LYST: variants seen among roughly 807,000 people sequenced by gnomAD.
LYST encodes the protein lysosomal trafficking regulator, also known as lysosomal-trafficking regulator.
In LYST, 192 loss-of-function variants were observed where a neutral mutation model predicts 413.6. The ratio of observed to expected loss-of-function variants is 0.46; its 90% CI spans 0.41 to 0.52. The LOEUF is 0.52. LYST is among the 20% of genes least tolerant of loss of function. The pLI is 0.00. For synonymous variants in LYST, 1,525 were observed against 1,567.3 expected (o/e 0.97, Z 0.64); for missense variants, 3,815 against 4,499.9 (o/e 0.85, Z 4.35).
chr1:235,669,125 T>C (rs1658723429), intron 50 of LYST, among the ~76,000 whole-genome samples: 1 of 152,184 alleles, frequency 6.6e-6, no homozygotes, highest in Non-Finnish European at 1.5e-5. Context: ...CCTAAAGCCC[T>C]TGGAATTTAC....
intron 15 of LYST, 69 bp downstream of exon 15, chr1:235,781,858 T>C: frequency 9.1e-7 from 1 of 1,094,466 alleles, no homozygotes; most frequent in Non-Finnish European, 1.4e-6. Flanking sequence ...ACTGGAAATG[T>C]TTCAAAGGAA....
chr1:235,838,541 C>T (rs1420856229), intron 1 of LYST, among the ~76,000 whole-genome samples: 1 of 152,176 alleles, frequency 6.6e-6, no homozygotes, highest in African/African-American at 2.4e-5. Context: ...TAAAAATGAT[C>T]TCTAGAGTCT....
At chr1:235,841,844 G>A (rs1677248175) in intron 1 of LYST, among the ~76,000 whole-genome samples, 1 of 152,138 alleles carries the variant, frequency 6.6e-6, no homozygotes, top group Non-Finnish European at 1.5e-5. Flanking sequence ...CAAGTAATAG[G>A]CAAAGTTGTC....
At position 235,738,323 on chromosome 1, in the gene LYST, T is replaced by A. The variant is rs1433606008; in HGVS notation, c.8358+3099A>T. ...GCAAGAGGGAGAAAGCCATCTTAAT[T>A]TGGTCCAGTGTAATGTGAACATCTT... On this transcript the variant is annotated intron_variant, in intron 31 of 52. Transcript: ENST00000389793. 22 of 1,611,912 alleles carry A rather than the reference T, an allele frequency of 1.4e-5. No homozygotes were observed. The South Asian group carries it at 2.1e-4, about 15-fold the overall frequency.
chr1:235,859,850 A>G (rs1679656378), intron 1 of LYST, among the ~76,000 whole-genome samples: 1 of 152,226 alleles, frequency 6.6e-6, no homozygotes, highest in South Asian at 2.1e-4. Flanking sequence ...AAATAAAATA[A>G]TAAATGGGAA....
chr1:235,730,943 T>A lies in LYST; in HGVS notation c.8948A>T (p.Asp2983Val). The change falls in exon 36 of 53, where the codon GAT becomes GTT. Residue 2983 changes from aspartate to valine, a missense_variant and splice_region_variant. Asp to Val is a radical substitution (Grantham distance 152). Around this residue, in one of 4 missense-constraint regions of LYST, gnomAD observed 866 missense variants for 1,156.0 expected, o/e 0.75. Transcript: ENST00000389793. ...YLLRDRQKSE[D>V]VVKPPLSYLF... ...GTAAGAGAGTGGTGGTTTGACAACATCTGTTGAGGAGAAAAGTAAATATTA... is the reference window on the plus strand; with the variant it reads ...GTAAGAGAGTGGTGGTTTGACAACAACTGTTGAGGAGAAAAGTAAATATTA... The A allele has an allele frequency of 6.2e-7, 1 of 1,611,098 alleles. No homozygotes were observed. Among genetic ancestry groups the A allele is most frequent in the Non-Finnish European group, 8.5e-7 (1 of 1,177,362 alleles).
Position 235,664,348 on chromosome 1 carries a change from G to C in LYST, c.11195+117C>G. ...ATAACTAAAGAACCTACACCCCAAG[G>C]TGAGTTTAAATCTCTAAATACTGAA... is the stretch of plus-strand genomic sequence containing the variant. On this transcript the variant is annotated intron_variant, in intron 51 of 52. Coordinates refer to ENST00000389793, the MANE Select transcript of LYST (RefSeq NM_000081.4). The surrounding 1 kb of genome is among the most constrained non-coding windows in gnomAD (Gnocchi z 4.5). 1.1e-6 allele frequency: 1 copy of C among 941,748 alleles called. No individual in the cohort carries two copies. Among genetic ancestry groups the C allele is most frequent in the South Asian group, 1.5e-5 (1 of 68,828 alleles). The allele number at this position is 941,748 out of a possible 1,614,324, so 58.3% of individuals were successfully genotyped here. A position where few individuals can be genotyped will look rare whatever the true frequency, so the allele number is the denominator to read the frequency against.
chr1:235,721,070 C>T (rs146027359), intron 39 of LYST, among the ~76,000 whole-genome samples, 165 bp from the exon 40 acceptor site: 28 of 152,098 alleles, frequency 1.8e-4, no homozygotes, highest in African/African-American at 6.0e-4. Flanking sequence ...GATTCAAGTC[C>T]AGGTTGTCCT....
chr1:235,733,239 A>G (rs112819655), intron 34 of LYST, among the ~76,000 whole-genome samples: 4 of 152,242 alleles, frequency 2.6e-5, no homozygotes, highest in African/African-American at 7.2e-5. Context: ...TGATTTCTCT[A>G]TTCTTTTACA....
At chr1:235,758,894 G>C in intron 23 of LYST, 78 bp downstream of exon 23, 4 of 1,306,632 alleles carry the variant, frequency 3.1e-6, no homozygotes, top group Non-Finnish European at 4.4e-6. Flanking sequence ...GCATAATGAA[G>C]ACGTTTCCAG....
chr1:235,813,963 GT>G (rs759646432), intron 3 of LYST, among the ~76,000 whole-genome samples: 2 of 152,170 alleles, frequency 1.3e-5, no homozygotes, highest in Non-Finnish European at 2.9e-5. Flanking sequence ...TAGAGGCAGG[GT>G]AACAATAATC....
At chr1:235,858,917 T>G (rs995074016) in intron 1 of LYST, among the ~76,000 whole-genome samples, 2 of 152,186 alleles carry the variant, frequency 1.3e-5, no homozygotes. Flanking sequence ...ACCATCCTGC[T>G]GGCCTCTGTA....
At chr1:235,763,750 G>C (rs1447222974) in intron 21 of LYST, among the ~76,000 whole-genome samples, 1 of 151,952 alleles carries the variant, frequency 6.6e-6, no homozygotes, top group East Asian at 1.9e-4. Context: ...GAACCACCAT[G>C]CCTAGCATGA....
At position 235,808,916 on chromosome 1, in the gene LYST, T is replaced by G. The variant is rs746417866; in HGVS notation, c.1902A>C (p.Lys634Asn). 1 of 1,612,462 alleles carries G rather than the reference T, an allele frequency of 6.2e-7. No individual in the cohort carries two copies. The highest frequency in any genetic ancestry group is 2.2e-5 in the East Asian group (1 of 44,862). The stretch of plus-strand genomic sequence containing the variant: ...CAACAGTACAAATATTACAAGCTGC[T>G]TTTTTAATTTTTGGTGATATCTCTG... ...GGAEISPKIK[K>N]AACNICTVDS... Residue 634 changes from lysine (K) to asparagine (N), a missense_variant, in exon 5 of 53, where the codon AAA becomes AAC. This residue lies in a region of LYST where 1,648 missense variants were observed against 1,810.3 expected (regional missense o/e 0.91). Coordinates refer to ENST00000389793, the MANE Select transcript of LYST (RefSeq NM_000081.4).
At position 235,851,188 on chromosome 1, in the gene LYST, G is replaced by GTATA. The variant is rs60230013; in HGVS notation, c.-98+15651_-98+15654dup. ...TGTAAGTATGTATGTATATGTGTGT[G>GTATA]TATATATATATATATGATGAAATAC... On this transcript the variant is annotated intron_variant, in intron 1 of 52. Transcript: ENST00000389793. 1.9e-3 allele frequency among the ~76,000 whole-genome samples: 285 copies of GTATA among 150,456 alleles called. 2 individuals carry two copies. The highest frequency in any genetic ancestry group is 0.016 in the East Asian group (84 of 5,126).
At position 235,759,027 on chromosome 1, in the gene LYST, A is replaced by T. The variant is rs1667315132; in HGVS notation, c.6826T>A (p.Phe2276Ile). ...GGCTCATAACCAAGAGAATAGGCAA[A>T]GTTTTCCCAATCATCAGTGTTTCTA... ...VDRNTDDWEN[F>I]AYSLGYEPNY... is the part of the protein sequence containing the mutation. The change falls in exon 23 of 53, where the codon TTT (phenylalanine) becomes ATT (isoleucine). Residue 2276 changes from phenylalanine (F) to isoleucine (I), a missense_variant. Physicochemically the swap from Phe to Ile is conservative, Grantham distance 21. Around this residue, in one of 4 missense-constraint regions of LYST, gnomAD observed 771 missense variants for 837.1 expected, o/e 0.92. Coordinates refer to ENST00000389793, the MANE Select transcript of LYST (RefSeq NM_000081.4). 6.2e-7 allele frequency: 1 copy of T among 1,613,980 alleles called. No homozygotes were observed. The highest frequency in any genetic ancestry group is 8.5e-7 in the Non-Finnish European group (1 of 1,180,000).
At chr1:235,849,897 A>G (rs902842979) in intron 1 of LYST, among the ~76,000 whole-genome samples, 6 of 152,140 alleles carry the variant, frequency 3.9e-5, no homozygotes, top group Non-Finnish European at 8.8e-5. Context: ...AAATGGAAAC[A>G]TATCCCATGC....
At chr1:235,687,443 A>G (rs769720681) in intron 47 of LYST, among the ~76,000 whole-genome samples, 1 of 152,080 alleles carries the variant, frequency 6.6e-6, no homozygotes, top group Non-Finnish European at 1.5e-5. Flanking sequence ...TCCTCGTTTT[A>G]TGTCTTTGGT....
At chr1:235,858,857 G>C (rs779340899) in intron 1 of LYST, among the ~76,000 whole-genome samples, 16 of 152,088 alleles carry the variant, frequency 1.1e-4, no homozygotes, top group Non-Finnish European at 2.2e-4. Context: ...TTGTTATGGG[G>C]GGCAGGGAAG....
Sources: allele counts gnomAD v4.1 joint callset (sites outside exome capture counted in the v4.1 genomes callset), GRCh38; gene constraint gnomAD v4.1.1; regional missense constraint gnomAD v4.1.1; non-coding constraint Gnocchi (gnomAD v3.1); transcripts MANE v1.5; gene names NCBI Gene and HGNC (gene_info 2026-07-23, HGNC 2026-07-21).